Variants in ROCK1 observed in about 807,000 individuals in gnomAD.
The protein encoded by ROCK1 is rho-associated protein kinase 1.
In ROCK1, 36 loss-of-function variants were observed where a neutral mutation model predicts 196.8. The ratio of observed to expected loss-of-function variants is 0.18; its 90% CI spans 0.14 to 0.24. The LOEUF (loss-of-function observed/expected upper bound fraction) is 0.24, where lower values mean the gene tolerates loss of function less well. ROCK1 is among the 10% of genes least tolerant of loss of function. The probability of loss-of-function intolerance (pLI) is 1.00; values close to 1 mark genes in which losing one functional copy is unlikely to be tolerated. For synonymous variants in ROCK1, 443 were observed against 515.9 expected, an observed-to-expected ratio of 0.86 and a Z score of 1.91; for missense variants, 920 against 1,562.0, an observed-to-expected ratio of 0.59 and a Z score of 6.93.
chr18:20,969,358 A>G (rs1228786871), intron 23 of ROCK1, 150 bp from the exon 24 acceptor site: 1 of 516,092 alleles, frequency 1.9e-6, no homozygotes, highest in Non-Finnish European at 3.4e-6. Context: ...ATATGTAATT[A>G]CATCAAAAAT....
intron 13 of ROCK1, among the ~76,000 whole-genome samples, chr18:21,014,499 T>A (rs1237944646): frequency 6.6e-6 from 1 of 152,226 alleles, no homozygotes; most frequent in Admixed American, 6.5e-5. Context: ...AATTTCCCTC[T>A]CTACTTCTAA....
chr18:20,997,278 G>C (rs1242829942), intron 16 of ROCK1, among the ~76,000 whole-genome samples: 3 of 151,714 alleles, frequency 2.0e-5, no homozygotes, highest in Middle Eastern at 3.2e-3. Flanking sequence ...AAAAAACAAG[G>C]GGATGGAAAC....
intron 6 of ROCK1, among the ~76,000 whole-genome samples, chr18:21,043,400 T>G (rs2036124754): frequency 6.6e-6 from 1 of 151,938 alleles, no homozygotes; most frequent in African/African-American, 2.4e-5. Flanking sequence ...GAAACAGCAT[T>G]ATAACTAAAT....
At chr18:20,991,834 C>T (rs900474959) in intron 17 of ROCK1, among the ~76,000 whole-genome samples, 2 of 151,660 alleles carry the variant, frequency 1.3e-5, no homozygotes, top group African/African-American at 4.8e-5. Context: ...GATGGGGTCT[C>T]GCTCCACTGC....
intron 14 of ROCK1, among the ~76,000 whole-genome samples, chr18:21,007,305 G>A (rs1190102380): frequency 1.4e-4 from 21 of 152,076 alleles, no homozygotes; most frequent in Middle Eastern, 3.4e-3. Context: ...CAAGCAATCC[G>A]TTTCTGTCAC....
At chr18:21,104,368 C>A (rs936376307) in intron 1 of ROCK1, among the ~76,000 whole-genome samples, 8 of 152,076 alleles carry the variant, frequency 5.3e-5, no homozygotes, top group African/African-American at 1.9e-4. Flanking sequence ...GAGGCTGAGG[C>A]GGGCGGATCA....
At chr18:21,095,363 T>A (rs185186669) in intron 1 of ROCK1, among the ~76,000 whole-genome samples, 31 of 151,978 alleles carry the variant, frequency 2.0e-4, no homozygotes, top group Admixed American at 2.0e-3. Flanking sequence ...TAGGTACATA[T>A]GCAAAAGAAA....
At chr18:21,007,738 A>G (rs2035780668) in intron 14 of ROCK1, among the ~76,000 whole-genome samples, 1 of 152,214 alleles carries the variant, frequency 6.6e-6, no homozygotes, top group Non-Finnish European at 1.5e-5. Context: ...CTCAGGCCAC[A>G]TATCTAGACC....
intron 18 of ROCK1, among the ~76,000 whole-genome samples, chr18:20,990,693 CAAAAAAAAAAAAA>C (rs1170099682): frequency 0.038 from 868 of 22,624 alleles, 34 homozygotes; most frequent in East Asian, 0.23. Flanking sequence ...AACTTCGTCT[CAAAAAAAAAAAAA>C]AAAAAAAAAA....
At position 20,982,846 on chromosome 18, in the gene ROCK1, GA is replaced by G; in HGVS notation, c.2490-15del. 1.5e-6 allele frequency: 2 copies of G among 1,361,662 alleles called. No homozygotes were observed. Among genetic ancestry groups the G allele is most frequent in the Non-Finnish European group, 2.1e-6 (2 of 966,124 alleles). 84.3% of individuals were successfully genotyped at this position (1,361,662 alleles called of 1,614,324 possible). On this transcript the variant is annotated splice_polypyrimidine_tract_variant and intron_variant, in intron 20 of 32. Coordinates refer to ENST00000399799, the MANE Select transcript of ROCK1 (RefSeq NM_005406.3). The stretch of plus-strand genomic sequence containing the variant: ...CCTCTATACTGTCTTCAGATGAAAA[GA>G]AAAACAAGTGAACAAACGCTCCTAC...
At chr18:21,069,557 T>C (rs1168883203) in intron 2 of ROCK1, among the ~76,000 whole-genome samples, 1 of 152,104 alleles carries the variant, frequency 6.6e-6, no homozygotes, top group Non-Finnish European at 1.5e-5. Flanking sequence ...ATGAATTTCA[T>C]TCTTGCTAGC....
chr18:21,057,684 G>A (rs938153770), intron 2 of ROCK1, among the ~76,000 whole-genome samples: 3 of 152,162 alleles, frequency 2.0e-5, no homozygotes, highest in Admixed American at 6.5e-5. Flanking sequence ...TAGCCGGCAC[G>A]GTGGTGGGCG....
chr18:21,060,665 C>A (rs750049227), intron 2 of ROCK1, among the ~76,000 whole-genome samples: 28 of 152,032 alleles, frequency 1.8e-4, no homozygotes, highest in Admixed American at 3.3e-4. Flanking sequence ...CATGGAGAAA[C>A]CCTGTCTCTA....
chr18:21,003,406 G>C (rs2035743097), intron 16 of ROCK1, among the ~76,000 whole-genome samples: 1 of 152,072 alleles, frequency 6.6e-6, no homozygotes, highest in South Asian at 2.1e-4. Flanking sequence ...CAAATTATGA[G>C]ACTACTAGAG....
At position 21,034,039 on chromosome 18, in the gene ROCK1, AAAAAAAAAAAATG is replaced by A. The variant is rs1297484905; in HGVS notation, c.1052-5117_1052-5105del. Among the ~76,000 whole-genome samples the A allele has an allele frequency of 3.3e-5, 5 of 150,766 alleles. No individual in the cohort carries two copies. The East Asian group carries it at 9.7e-4, about 29-fold the overall frequency. On this transcript the variant is annotated intron_variant, in intron 9 of 32. Transcript: ENST00000399799. ...ACAGAGCGAGACTCCATCTCAAAAAAAAAAAAAAAAATGAAAAAAAAAGTCAAAAAGAAATACC... is the reference window on the plus strand; with the variant it reads ...ACAGAGCGAGACTCCATCTCAAAAAAAAAAAAAAAGTCAAAAAGAAATACC...
intron 1 of ROCK1, among the ~76,000 whole-genome samples, chr18:21,084,039 T>C (rs1480303817): frequency 2.6e-5 from 4 of 152,210 alleles, no homozygotes; most frequent in Non-Finnish European, 4.4e-5. Context: ...GACAGTCTTT[T>C]TAGCAAATGG....
chr18:21,104,344 T>C (rs1171626435), intron 1 of ROCK1, among the ~76,000 whole-genome samples: 1 of 152,208 alleles, frequency 6.6e-6, no homozygotes, highest in African/African-American at 2.4e-5. Flanking sequence ...ATGCCTGTAA[T>C]CCCAGCACTG....
At chr18:21,061,127 G>A (rs570447049) in intron 2 of ROCK1, among the ~76,000 whole-genome samples, 1 of 149,784 alleles carries the variant, frequency 6.7e-6, no homozygotes, top group Non-Finnish European at 1.5e-5. Flanking sequence ...CACCCAGGCT[G>A]GAGTGCAATG....
chr18:21,089,979 CGAG>C (rs1451306275), intron 1 of ROCK1, among the ~76,000 whole-genome samples: 1 of 152,052 alleles, frequency 6.6e-6, no homozygotes, highest in Non-Finnish European at 1.5e-5. Flanking sequence ...TCAAATTTGA[CGAG>C]GGGTGTTTCT....
Sources: allele counts gnomAD v4.1 joint callset (sites outside exome capture counted in the v4.1 genomes callset), GRCh38; gene constraint gnomAD v4.1.1; transcripts MANE v1.5; gene names NCBI Gene and HGNC (gene_info 2026-07-23, HGNC 2026-07-21).